Variants in ANKHD1 observed in about 807,000 individuals in gnomAD.
ANKHD1 encodes ankyrin repeat and KH domain containing 1.
ANKHD1 carries 31 observed loss-of-function variants against 230.5 expected under a neutral mutation model. The ratio of observed to expected loss-of-function variants is 0.13; its 90% confidence interval spans 0.10 to 0.18. The LOEUF (loss-of-function observed/expected upper bound fraction) is 0.18, where lower values mean the gene tolerates loss of function less well. ANKHD1 is among the 10% of genes least tolerant of loss of function. ANKHD1 has a pLI of 1.00. For synonymous variants in ANKHD1, 1,074 were observed against 1,117.6 expected (o/e 0.96, Z 0.78); for missense variants, 2,256 against 3,071.3 (o/e 0.73, Z 6.27).
chr5:140,423,139 C>CGT lies in ANKHD1; in HGVS notation c.307-12964_307-12963dup, dbSNP rs1420601699. Among the ~76,000 whole-genome samples, 137 of 152,208 alleles carry CGT rather than the reference C, an allele frequency of 9.0e-4. 2 individuals carry two copies. The highest frequency in any genetic ancestry group is 3.1e-3 in the African/African-American group (128 of 41,546). ...TTTGGAAGTTCTGGCCTTAAGTGAT[C>CGT]GTCCTGCCTTGGCCTTCCAAACTGC... On this transcript the variant is annotated intron_variant, in intron 1 of 33. Coordinates refer to ENST00000360839, the MANE Select transcript of ANKHD1 (RefSeq NM_017747.3).
intron 10 of ANKHD1, 106 bp downstream of exon 10, chr5:140,464,882 G>A (rs1775978588): frequency 8.5e-7 from 1 of 1,172,010 alleles, no homozygotes. Flanking sequence ...TTTGTATACA[G>A]TAACTTAAAA....
Position 140,461,055 on chromosome 5 carries a change from C to T in ANKHD1, c.1672+1700C>T, listed in dbSNP as rs774630523. Among the ~76,000 whole-genome samples the T allele has an allele frequency of 5.9e-5, 9 of 152,082 alleles. No individual in the cohort carries two copies. In the South Asian group the frequency reaches 1.7e-3, roughly 28 times the overall value. The stretch of plus-strand genomic sequence containing the variant: ...TTAAGCTAAAGTCGTGCTATTGTAA[C>T]GTGTTTTTAAAAGAAGGAATAAATG... On this transcript the variant is annotated intron_variant, in intron 9 of 33. Transcript: ENST00000360839.
intron 10 of ANKHD1, chr5:140,472,445 A>C (rs1776560518): frequency 5.1e-6 from 7 of 1,359,400 alleles, no homozygotes; most frequent in Non-Finnish European, 6.6e-6. Flanking sequence ...AAGATTATGA[A>C]GTCCCAATAA....
intron 1 of ANKHD1, among the ~76,000 whole-genome samples, chr5:140,411,887 G>A (rs1188309059): frequency 2.0e-5 from 3 of 150,898 alleles, no homozygotes; most frequent in South Asian, 4.2e-4. Flanking sequence ...GGAGTGCGGT[G>A]GTGCAGGAGT....
At chr5:140,418,313 G>T (rs921554835) in intron 1 of ANKHD1, among the ~76,000 whole-genome samples, 1 of 151,666 alleles carries the variant, frequency 6.6e-6, no homozygotes, top group Non-Finnish European at 1.5e-5. Context: ...TGGCTAATTT[G>T]TTTTTTGTAT....
intron 1 of ANKHD1, among the ~76,000 whole-genome samples, chr5:140,419,274 G>T (rs902209040): frequency 6.6e-6 from 1 of 150,956 alleles, no homozygotes; most frequent in African/African-American, 2.4e-5. Context: ...TATCTTTGAA[G>T]AAATATCTAT....
chr5:140,440,158 T>C lies in ANKHD1; in HGVS notation c.657T>C (p.Asn219=). 2.5e-6 allele frequency: 4 copies of C among 1,613,212 alleles called. No individual in the cohort carries two copies. Among genetic ancestry groups the C allele is most frequent in the Non-Finnish European group, 3.4e-6 (4 of 1,179,550 alleles). ...AAGCTTGTTCAGATGGGGATGTTAA[T>C]GCTGTTCGTAAATTGCTAGATGAAG... The part of the protein sequence containing the change: ...LAEACSDGDV[N]AVRKLLDEGR... Residue 219 remains asparagine, a synonymous_variant, in exon 4 of 34, where the codon AAT becomes AAC. Coordinates refer to ENST00000360839, the MANE Select transcript of ANKHD1 (RefSeq NM_017747.3).
chr5:140,513,535 A>G, intron 24 of ANKHD1, 56 bp downstream of exon 24: 1 of 1,554,592 alleles, frequency 6.4e-7, no homozygotes, highest in Non-Finnish European at 8.7e-7. Flanking sequence ...GGGGCCGGGC[A>G]CGGTGGCTCA....
chr5:140,470,399 A>G (rs1008345033), intron 10 of ANKHD1, among the ~76,000 whole-genome samples: 3 of 149,566 alleles, frequency 2.0e-5, no homozygotes, highest in African/African-American at 4.9e-5. Context: ...TTTTTAAAGG[A>G]AGGTTTCTTT....
At chr5:140,452,697 C>A (rs1774847375) in intron 7 of ANKHD1, among the ~76,000 whole-genome samples, 1 of 152,072 alleles carries the variant, frequency 6.6e-6, no homozygotes, top group Admixed American at 6.6e-5. Flanking sequence ...GAAAGGACAT[C>A]CACACCAAAA....
intron 14 of ANKHD1, among the ~76,000 whole-genome samples, chr5:140,489,190 CAA>C (rs778116522): frequency 8.5e-5 from 7 of 82,750 alleles, no homozygotes; most frequent in Admixed American, 1.3e-4. Flanking sequence ...ACCTTGTCTC[CAA>C]AAAAAAAAAA....
At position 140,485,609 on chromosome 5, in the gene ANKHD1, T is replaced by C; in HGVS notation, c.2019T>C (p.Ile673=). 6.2e-7 allele frequency: 1 copy of C among 1,614,032 alleles called. No individual in the cohort carries two copies. The highest frequency in any genetic ancestry group is 8.5e-7 in the Non-Finnish European group (1 of 1,179,966). The part of the protein sequence containing the change: ...HRLKDGSTML[I]EAAKGGHTNV... ...TTCAGGATGGTTCAACAATGCTCAT[T>C]GAAGCTGCAAAGGGTGGCCATACTA... The change falls in exon 13 of 34, where the codon ATT becomes ATC. Residue 673 remains isoleucine (I), a synonymous_variant. Transcript: ENST00000360839. This position sits in a 1 kb window ranked among gnomAD's most constrained non-coding sequence, Gnocchi z 4.8.
chr5:140,441,246 A>C (rs1773825640), intron 5 of ANKHD1, 104 bp downstream of exon 5: 30 of 1,358,002 alleles, frequency 2.2e-5, no homozygotes, highest in Non-Finnish European at 2.8e-5. Context: ...AAACCTACAG[A>C]AAAATCTTAG....
At chr5:140,474,588 T>C (rs1750861074) in intron 10 of ANKHD1, among the ~76,000 whole-genome samples, 1 of 151,224 alleles carries the variant, frequency 6.6e-6, no homozygotes, top group South Asian at 2.1e-4. Context: ...CAGAACCTTT[T>C]TTTTTTCTTC....
At chr5:140,402,505 G>GGTCT (rs1159364618) in intron 1 of ANKHD1, among the ~76,000 whole-genome samples, 2 of 152,326 alleles carry the variant, frequency 1.3e-5, no homozygotes, top group East Asian at 3.9e-4. Flanking sequence ...GGAGTCCTTT[G>GGTCT]GTCTCTGAGC....
intron 9 of ANKHD1, among the ~76,000 whole-genome samples, chr5:140,462,547 A>G (rs1581285680): frequency 6.6e-6 from 1 of 151,954 alleles, no homozygotes; most frequent in South Asian, 2.1e-4. Context: ...ACACCGTGAA[A>G]CCCCATCTCT....
chr5:140,449,079 G>T, intron 6 of ANKHD1, 132 bp from the exon 7 acceptor site: 1 of 935,166 alleles, frequency 1.1e-6, no homozygotes. Context: ...AACTGTTACT[G>T]ATTTATTTAT....
intron 1 of ANKHD1, among the ~76,000 whole-genome samples, chr5:140,427,152 C>G (rs1469983252): frequency 1.3e-5 from 2 of 150,410 alleles, no homozygotes; most frequent in African/African-American, 4.9e-5. Flanking sequence ...GGGGCTGACC[C>G]CCCCCACCTC....
intron 22 of ANKHD1, among the ~76,000 whole-genome samples, chr5:140,510,588 G>T (rs116312461): frequency 6.6e-6 from 1 of 151,990 alleles, no homozygotes; most frequent in African/African-American, 2.4e-5. Flanking sequence ...TAGGATTACA[G>T]GCTCCCGACC....
Sources: gnomAD v4.1 joint callset for allele counts (sites outside exome capture counted in the v4.1 genomes callset) on GRCh38, gnomAD v4.1.1 for gene constraint, Gnocchi (gnomAD v3.1) non-coding constraint, MANE v1.5 for transcripts, NCBI Gene and HGNC (gene_info 2026-07-23, HGNC 2026-07-21) for gene names.